The following TMEM79 variants were observed in gnomAD, a reference collection of about 807,000 sequenced individuals.
The protein encoded by TMEM79 is transmembrane protein 79.
A neutral mutation model predicts 31.2 loss-of-function variants in TMEM79; 30 were observed. That is an observed-to-expected ratio of 0.96 (90% CI 0.72 to 1.30). The LOEUF is 1.30. Among genes scored for constraint, TMEM79 ranks in the 50% most tolerant of loss-of-function variants. The pLI is 0.00. For missense variants in TMEM79, 509 were observed against 528.2 expected (o/e 0.96, Z 0.36); for synonymous variants, 213 against 229.5 (o/e 0.93, Z 0.65).
intron 3 of TMEM79, among the ~76,000 whole-genome samples, chr1:156,289,201 G>C (rs1006235805): frequency 6.6e-6 from 1 of 152,234 alleles, no homozygotes; most frequent in Non-Finnish European, 1.5e-5. Flanking sequence ...GGTGCCAGGC[G>C]TGGTGGCTCA....
rs1160732404 is a variant in TMEM79, at chr1:156,286,300, C to G, written c.798C>G (p.Ala266=). Residue 266 remains alanine, a synonymous_variant, in exon 3 of 4, where the codon GCC becomes GCG. Coordinates refer to ENST00000405535, the MANE Select transcript of TMEM79 (RefSeq NM_032323.3). ...GGCTGAGCCTGTTATGCTTTTCTGCCCTTCGGCCCTTTGGGGAGCCACGGC... is the reference window on the plus strand; with the variant it reads ...GGCTGAGCCTGTTATGCTTTTCTGCGCTTCGGCCCTTTGGGGAGCCACGGC... ...VYGLSLLCFS[A]LRPFGEPRRE... is the part of the protein sequence containing the mutation. The G allele has an allele frequency of 6.2e-7, 1 of 1,614,236 alleles. No individual in the cohort carries two copies.
chr1:156,291,130 A>G (rs1663313072), intron 3 of TMEM79: 1 of 491,098 alleles, frequency 2.0e-6, no homozygotes, highest in African/African-American at 1.9e-5. Flanking sequence ...AATAAATCGA[A>G]AAGTAAATAA....
Position 156,285,711 on chromosome 1 carries a change from C to G in TMEM79, c.485C>G (p.Pro162Arg), listed in dbSNP as rs370869076. 21 of 1,613,250 alleles carry G rather than the reference C, an allele frequency of 1.3e-5. No individual in the cohort carries two copies. The African/African-American group carries it at 1.6e-4, about 12-fold the overall frequency. ...GGCGAGTGCCGAACCTTCATGCCCC[C>G]CCGGGTCACCCACCCCGACCCCACT... ...GEGECRTFMP[P>R]RVTHPDPTER... The change falls in exon 2 of 4, where the codon CCC becomes CGC. Residue 162 changes from proline to arginine, a missense_variant. Pro to Arg is a moderately radical substitution (Grantham distance 103). Coordinates refer to ENST00000405535, the MANE Select transcript of TMEM79 (RefSeq NM_032323.3).
chr1:156,291,842 A>C lies in TMEM79; in HGVS notation c.*244A>C, dbSNP rs529332753. Reference sequence around the variant, plus strand: ...TTTTCTTGCAGGGAAAAAGGTGGACAGCCGTGTTTCTTAAGGATGCTGAGG... The same window carrying C: ...TTTTCTTGCAGGGAAAAAGGTGGACCGCCGTGTTTCTTAAGGATGCTGAGG... On this transcript the variant is annotated 3_prime_UTR_variant, in exon 4 of 4. Coordinates refer to ENST00000405535, the MANE Select transcript of TMEM79 (RefSeq NM_032323.3). 5.7e-4 allele frequency: 340 copies of C among 597,466 alleles called. 2 individuals carry two copies. Among genetic ancestry groups the C allele is most frequent in the Admixed American group, 2.7e-3 (91 of 33,910 alleles). 37.0% of individuals were successfully genotyped at this position (597,466 alleles called of 1,614,324 possible). A position where few individuals can be genotyped will look rare whatever the true frequency, so the allele number is the denominator to read the frequency against.
rs1375347091 is a variant in TMEM79 at position 156,286,111 on chromosome 1, A to G, written c.757+128A>G. ...CCCTCAGGGTCTCCCACCCCCTGCC[A>G]GTCTGCATGCCCATCTCCTCCCAGG... On this transcript the variant is annotated intron_variant, in intron 2 of 3. Transcript: ENST00000405535. 2.8e-6 allele frequency: 4 copies of G among 1,414,118 alleles called. No homozygotes were observed. The African/African-American group carries it at 5.7e-5, about 20-fold the overall frequency. 87.6% of individuals were successfully genotyped at this position (1,414,118 alleles called of 1,614,324 possible).
chr1:156,285,354 G>C lies in TMEM79; in HGVS notation c.128G>C (p.Gly43Ala). The C allele has an allele frequency of 6.3e-7, 1 of 1,575,384 alleles. No individual in the cohort carries two copies. Among genetic ancestry groups the C allele is most frequent in the Non-Finnish European group, 8.6e-7 (1 of 1,162,096 alleles). ...PEGEGGAESP[G>A]AESLRVGSSA... ...GGGGAAGGTGGGGCCGAATCCCCGG[G>C]AGCTGAGTCCCTCAGAGTGGGGTCT... The change falls in exon 2 of 4, where the codon GGA (glycine) becomes GCA (alanine). Residue 43 changes from glycine to alanine, a missense_variant. Gly to Ala is a moderately conservative substitution (Grantham distance 60). Transcript: ENST00000405535.
chr1:156,291,831 A>G lies in TMEM79; in HGVS notation c.*233A>G. 1.7e-6 allele frequency: 1 copy of G among 598,612 alleles called. No homozygotes were observed. Among genetic ancestry groups the G allele is most frequent in the South Asian group, 2.0e-5 (1 of 49,988 alleles). The allele number at this position is 598,612 out of a possible 1,614,324, so 37.1% of individuals were successfully genotyped here. ...GATGGACTTAGTTTTCTTGCAGGGA[A>G]AAAGGTGGACAGCCGTGTTTCTTAA... is the stretch of plus-strand genomic sequence containing the variant. On this transcript the variant is annotated 3_prime_UTR_variant, in exon 4 of 4. Transcript: ENST00000405535.
At chr1:156,289,874 C>T (rs1283154405) in intron 3 of TMEM79, among the ~76,000 whole-genome samples, 1 of 152,190 alleles carries the variant, frequency 6.6e-6, no homozygotes, top group South Asian at 2.1e-4. Flanking sequence ...GCTGACCCAT[C>T]CTCTGGGCTT....
intron 3 of TMEM79, 121 bp downstream of exon 3, chr1:156,286,594 C>T (rs1663170698): frequency 1.0e-6 from 1 of 977,566 alleles, no homozygotes; most frequent in Non-Finnish European, 1.5e-6. Context: ...CAAATGTGTG[C>T]CCTGGGGAGA....
chr1:156,283,756 C>A (rs763342685), upstream of TMEM79, among the ~76,000 whole-genome samples: 1 of 152,200 alleles, frequency 6.6e-6, no homozygotes, highest in Non-Finnish European at 1.5e-5. Flanking sequence ...AAGTCTTTCC[C>A]ATCCATTGGT....
At position 156,285,984 on chromosome 1, in the gene TMEM79, G is replaced by C. The variant is rs1268677073; in HGVS notation, c.757+1G>C. 1.2e-5 allele frequency: 19 copies of C among 1,595,878 alleles called. No homozygotes were observed. Among genetic ancestry groups the C allele is most frequent in the East Asian group, 6.7e-5 (3 of 44,814 alleles). Reference sequence around the variant, plus strand: ...TTTGCCACCTTCCCCATTGTGCTGGGTGAGCCTGTGAGAAGAAAGGGGGCA... The same window carrying C: ...TTTGCCACCTTCCCCATTGTGCTGGCTGAGCCTGTGAGAAGAAAGGGGGCA... On this transcript the variant is annotated splice_donor_variant, in intron 2 of 3. Transcript: ENST00000405535. LOFTEE classifies it high-confidence loss of function.
Position 156,286,411 on chromosome 1 carries a change from T to A in TMEM79, c.909T>A (p.Thr303=). 6.2e-7 allele frequency: 1 copy of A among 1,614,188 alleles called. No homozygotes were observed. Among genetic ancestry groups the A allele is most frequent in the South Asian group, 1.1e-5 (1 of 91,084 alleles). Residue 303 remains threonine (T), a synonymous_variant, in exon 3 of 4, where the codon ACT becomes ACA. Transcript: ENST00000405535. ...TCTTCAACCTGGCCGTGCTTTCCAC[T>A]TACCTGCCCCAGGATACCCTCAAAC... ...LYFFNLAVLS[T]YLPQDTLKLL...
chr1:156,291,484 C>A lies in TMEM79; in HGVS notation c.1071C>A (p.Leu357=). The change falls in exon 4 of 4, where the codon CTC becomes CTA. Residue 357 remains leucine, a synonymous_variant. Transcript: ENST00000405535. ...TGCTGTCGATGCTGATGTGGAACCT[C>A]TACTACATGTTCGTGGTGGAGCCGG... is the stretch of plus-strand genomic sequence containing the variant. ...LPLLSMLMWN[L]YYMFVVEPER... The A allele has an allele frequency of 6.2e-7, 1 of 1,613,458 alleles. No homozygotes were observed. The highest frequency in any genetic ancestry group is 8.5e-7 in the Non-Finnish European group (1 of 1,180,022).
Position 156,291,673 on chromosome 1 carries a change from C to A in TMEM79, c.*75C>A. On this transcript the variant is annotated 3_prime_UTR_variant, in exon 4 of 4. Transcript: ENST00000405535. ...ACATCTTTGAACCTTGTGGCCAGGC[C>A]TGGACTTCGCCCCCAGGCCTAGGAC... is the stretch of plus-strand genomic sequence containing the variant. The A allele has an allele frequency of 7.0e-7, 1 of 1,436,950 alleles. No individual in the cohort carries two copies. Among genetic ancestry groups the A allele is most frequent in the Non-Finnish European group, 9.7e-7 (1 of 1,027,206 alleles). The allele number at this position is 1,436,950 out of a possible 1,614,324, so 89.0% of individuals were successfully genotyped here. A position where few individuals can be genotyped will look rare whatever the true frequency, so the allele number is the denominator to read the frequency against.
intron 3 of TMEM79, among the ~76,000 whole-genome samples, chr1:156,289,761 C>T (rs1346286392): frequency 6.6e-6 from 1 of 152,214 alleles, no homozygotes; most frequent in Non-Finnish European, 1.5e-5. Flanking sequence ...AATAAGTGGT[C>T]CTTCATATAT....
rs764107814 is a variant in TMEM79 at position 156,285,827 on chromosome 1, G to A, written c.601G>A (p.Val201Met). The stretch of plus-strand genomic sequence containing the variant: ...TGGAGACCGTGAGTGGCTAAGGGCT[G>A]TGGCCTCCGTGGGAGCCGCACTCAT... ...SCGDREWLRA[V>M]ASVGAALILF... Residue 201 changes from valine to methionine, a missense_variant, in exon 2 of 4, where the codon GTG (valine) becomes ATG (methionine). Val to Met is a conservative substitution (Grantham distance 21). Transcript: ENST00000405535. 1.2e-6 allele frequency: 2 copies of A among 1,613,624 alleles called. No individual in the cohort carries two copies. Among genetic ancestry groups the A allele is most frequent in the South Asian group, 1.1e-5 (1 of 91,088 alleles).
rs775128616 is a variant in TMEM79 at position 156,291,342 on chromosome 1, C to T, written c.972-43C>T. ...TCAGCCTATTGCCAATCAGCTGACGCGCTTCCCTCGAGAGTAGCCTGACCC... is the reference window on the plus strand; with the variant it reads ...TCAGCCTATTGCCAATCAGCTGACGTGCTTCCCTCGAGAGTAGCCTGACCC... On this transcript the variant is annotated intron_variant, in intron 3 of 3. Coordinates refer to ENST00000405535, the MANE Select transcript of TMEM79 (RefSeq NM_032323.3). 4.4e-6 allele frequency: 7 copies of T among 1,587,092 alleles called. No individual in the cohort carries two copies. The African/African-American group carries it at 5.4e-5, about 12-fold the overall frequency.
intron 3 of TMEM79, chr1:156,290,954 A>C (rs186792779): frequency 1.1e-5 from 2 of 176,856 alleles, no homozygotes; most frequent in East Asian, 3.0e-4. Flanking sequence ...ATATTTTACT[A>C]TACTCATTGA....
chr1:156,291,783 T>A lies in TMEM79; in HGVS notation c.*185T>A. ...CCTTGCCGGAGCTGCCCTTCACCTT[T>A]GGGGCCCGAGACAGTCATAAGGGAT... On this transcript the variant is annotated 3_prime_UTR_variant, in exon 4 of 4. Coordinates refer to ENST00000405535, the MANE Select transcript of TMEM79 (RefSeq NM_032323.3). 3.2e-6 allele frequency: 2 copies of A among 616,414 alleles called. No individual in the cohort carries two copies. Among genetic ancestry groups the A allele is most frequent in the Non-Finnish European group, 5.8e-6 (2 of 346,792 alleles). The allele number at this position is 616,414 out of a possible 1,614,324, so 38.2% of individuals were successfully genotyped here. A position where few individuals can be genotyped will look rare whatever the true frequency, so the allele number is the denominator to read the frequency against.
Sources: allele counts gnomAD v4.1 joint callset (sites outside exome capture counted in the v4.1 genomes callset), GRCh38; gene constraint gnomAD v4.1.1; transcripts MANE v1.5; gene names NCBI Gene and HGNC (gene_info 2026-07-23, HGNC 2026-07-21).